Variants in ADGRL3 observed in about 807,000 individuals in gnomAD.
ADGRL3 encodes the protein calcium-independent alpha-latrotoxin receptor 3.
In ADGRL3, 62 loss-of-function variants were observed where a neutral mutation model predicts 153.5. That is an observed-to-expected ratio of 0.40 (90% confidence interval 0.33 to 0.50). The LOEUF (loss-of-function observed/expected upper bound fraction) is 0.50, where lower values mean the gene tolerates loss of function less well. Among genes scored for constraint, ADGRL3 ranks in the 20% least tolerant of loss-of-function variants. ADGRL3 has a pLI of 0.47. For missense variants in ADGRL3, 1,641 were observed against 1,859.4 expected (o/e 0.88, Z 2.16); for synonymous variants, 710 against 672.5 (o/e 1.06, Z -0.86).
intron 2 of ADGRL3, among the ~76,000 whole-genome samples, chr4:61,443,425 A>G (rs945812352): frequency 3.3e-5 from 5 of 152,106 alleles, no homozygotes; most frequent in African/African-American, 1.2e-4. Context: ...ATTGACTTTA[A>G]AAGTTAAAAA....
chr4:61,418,256 G>T (rs907361363), intron 2 of ADGRL3, among the ~76,000 whole-genome samples: 1 of 152,174 alleles, frequency 6.6e-6, no homozygotes, highest in African/African-American at 2.4e-5. Context: ...GAGTAGAAGC[G>T]CAATTTCTCT....
At chr4:61,284,565 A>G (rs1470452163) in intron 1 of ADGRL3, among the ~76,000 whole-genome samples, 1 of 151,984 alleles carries the variant, frequency 6.6e-6, no homozygotes, top group Non-Finnish European at 1.5e-5. Flanking sequence ...TGAGCTGCAT[A>G]TTAATGACTA....
At chr4:61,321,305 TGG>T (rs1030749200) in intron 1 of ADGRL3, among the ~76,000 whole-genome samples, 2 of 152,078 alleles carry the variant, frequency 1.3e-5, no homozygotes, top group African/African-American at 4.8e-5. Context: ...TCACCTAAGT[TGG>T]TAGTCCCAGC....
At chr4:61,631,544 G>T (rs2093166068) in intron 5 of ADGRL3, among the ~76,000 whole-genome samples, 1 of 152,060 alleles carries the variant, frequency 6.6e-6, no homozygotes, top group African/African-American at 2.4e-5. Context: ...CTCTTAGAAG[G>T]GATTCCTGTT....
At chr4:61,844,376 G>A (rs901305635) in intron 9 of ADGRL3, among the ~76,000 whole-genome samples, 11 of 149,674 alleles carry the variant, frequency 7.3e-5, no homozygotes, top group South Asian at 2.1e-4. Context: ...GGTGAAACCC[G>A]TCTCTACTAA....
rs1222308230 is a variant in ADGRL3, at chr4:61,847,813, A to T, written c.1480+33924A>T. On this transcript the variant is annotated intron_variant, in intron 9 of 26. Coordinates refer to ENST00000683033, the MANE Select transcript of ADGRL3 (RefSeq NM_001387552.1). ...TTATATATATAATATAAAATATATT[A>T]TATATATATAATATAAAATATATAT... Among the ~76,000 whole-genome samples, 19 of 8,220 alleles carry T rather than the reference A, an allele frequency of 2.3e-3. 3 individuals carry two copies. Among genetic ancestry groups the T allele is most frequent in the Middle Eastern group, 0.25 (1 of 4 alleles). 5.4% of individuals were successfully genotyped at this position (8,220 alleles called of 152,430 possible).
chr4:61,845,759 G>A (rs541395799), intron 9 of ADGRL3, among the ~76,000 whole-genome samples: 2 of 152,130 alleles, frequency 1.3e-5, no homozygotes, highest in South Asian at 2.1e-4. Flanking sequence ...CTTAATGACA[G>A]AAATAAATGG....
chr4:61,428,353 C>G (rs2152392228), intron 2 of ADGRL3: 1 of 152,296 alleles, frequency 6.6e-6, no homozygotes, highest in African/African-American at 2.4e-5. Flanking sequence ...CACCTGTGCT[C>G]CAACCCTGCT....
At position 61,701,024 on chromosome 4, in the gene ADGRL3, C is replaced by T. The variant is rs1047751783; in HGVS notation, c.583+24089C>T. On this transcript the variant is annotated intron_variant, in intron 6 of 26. Coordinates refer to ENST00000683033, the MANE Select transcript of ADGRL3 (RefSeq NM_001387552.1). ...ACACAGAGTGATACCACAATACTGT[C>T]ACTCAGAAATGAACTAGACATTTGA... is the stretch of plus-strand genomic sequence containing the variant. Among the ~76,000 whole-genome samples the T allele has an allele frequency of 4.6e-5, 7 of 152,270 alleles. No individual in the cohort carries two copies. In the South Asian group the frequency reaches 1.2e-3, roughly 27 times the overall value.
At chr4:62,030,432 C>A (rs542094073) in intron 22 of ADGRL3, among the ~76,000 whole-genome samples, 3 of 151,642 alleles carry the variant, frequency 2.0e-5, no homozygotes, top group South Asian at 2.1e-4. Context: ...TGATTTGGTC[C>A]TGTTCTCCCA....
At chr4:61,645,798 C>T (rs74613515) in intron 5 of ADGRL3, among the ~76,000 whole-genome samples, 4 of 151,890 alleles carry the variant, frequency 2.6e-5, no homozygotes, top group Non-Finnish European at 4.4e-5. Context: ...ATCTTTGTGG[C>T]GTTCTCTGTA....
At chr4:61,338,009 T>A (rs1201289338) in intron 1 of ADGRL3, among the ~76,000 whole-genome samples, 1 of 151,908 alleles carries the variant, frequency 6.6e-6, no homozygotes, top group Non-Finnish European at 1.5e-5. Flanking sequence ...ACACCTGTAA[T>A]CCCCCAGCAC....
intron 21 of ADGRL3, among the ~76,000 whole-genome samples, chr4:62,027,262 T>C (rs905496629): frequency 6.6e-5 from 10 of 152,038 alleles, no homozygotes; most frequent in African/African-American, 2.4e-4. Context: ...CTTTCACACA[T>C]CCATGGCATT....
chr4:61,799,252 C>T (rs1256061285), intron 8 of ADGRL3, among the ~76,000 whole-genome samples: 1 of 151,794 alleles, frequency 6.6e-6, no homozygotes, highest in Non-Finnish European at 1.5e-5. Flanking sequence ...GTATATTTCA[C>T]ATATTAGTTC....
intron 4 of ADGRL3, among the ~76,000 whole-genome samples, chr4:61,578,127 T>G (rs980225351): frequency 1.3e-5 from 2 of 152,106 alleles, no homozygotes. Context: ...TGGTGTGATA[T>G]TCTTGTATTT....
At chr4:61,923,901 A>G (rs1369918698) in intron 13 of ADGRL3, among the ~76,000 whole-genome samples, 1 of 152,168 alleles carries the variant, frequency 6.6e-6, no homozygotes. Context: ...CTTAGCACAC[A>G]TTAAGTGGTC....
intron 4 of ADGRL3, among the ~76,000 whole-genome samples, chr4:61,544,563 G>A (rs960001658): frequency 1.3e-5 from 2 of 151,832 alleles, no homozygotes; most frequent in African/African-American, 4.8e-5. Flanking sequence ...AGAAAATTCT[G>A]TTTTTTCCCT....
intron 1 of ADGRL3, among the ~76,000 whole-genome samples, chr4:61,360,367 T>C (rs780368907): frequency 6.6e-6 from 1 of 152,160 alleles, no homozygotes; most frequent in African/African-American, 2.4e-5. Flanking sequence ...GATGTTGAGA[T>C]TATTCAGTCT....
At chr4:61,516,499 C>G (rs867741547) in intron 3 of ADGRL3, among the ~76,000 whole-genome samples, 1 of 151,272 alleles carries the variant, frequency 6.6e-6, no homozygotes, top group Non-Finnish European at 1.5e-5. Context: ...TCTCATGTAT[C>G]AATTTATCAA....
Sources: gnomAD v4.1 joint callset for allele counts (sites outside exome capture counted in the v4.1 genomes callset) on GRCh38, gnomAD v4.1.1 for gene constraint, MANE v1.5 for transcripts, NCBI Gene and HGNC (gene_info 2026-07-23, HGNC 2026-07-21) for gene names.